RYR1: variants seen among roughly 807,000 people sequenced by gnomAD.
RYR1 encodes central core disease of muscle.
RYR1 carries 342 observed loss-of-function variants against 583.5 expected under a neutral mutation model. The ratio of observed to expected loss-of-function variants is 0.59; its 90% confidence interval spans 0.54 to 0.64. RYR1 has a LOEUF of 0.64. Ranked by LOEUF, RYR1 falls within the 30% of genes least tolerant of loss-of-function variation. RYR1 has a pLI of 0.00. For missense variants in RYR1, 6,032 were observed against 6,917.2 expected (o/e 0.87, Z 4.54); for synonymous variants, 2,791 against 2,822.5 (o/e 0.99, Z 0.35).
chr19:38,572,279 A>G lies in RYR1; in HGVS notation c.13998+9A>G, dbSNP rs1457942367. The G allele has an allele frequency of 1.3e-6, 1 of 794,116 alleles. No individual in the cohort carries two copies. Among genetic ancestry groups the G allele is most frequent in the Non-Finnish European group, 1.9e-6 (1 of 526,716 alleles). 49.2% of individuals were successfully genotyped at this position (794,116 alleles called of 1,614,324 possible). A position where few individuals can be genotyped will look rare whatever the true frequency, so the allele number is the denominator to read the frequency against. The stretch of plus-strand genomic sequence containing the variant: ...GCTATAATTGTCTCAAGGTGGGCCC[A>G]TGGCCATGGTTCTGGGGCAAGGGCT... On this transcript the variant is annotated intron_variant, in intron 95 of 105. Coordinates refer to ENST00000359596, the MANE Select transcript of RYR1 (RefSeq NM_000540.3).
rs45496799 is a variant in RYR1, at chr19:38,516,233, C to T, written c.9685+16C>T. On this transcript the variant is annotated intron_variant, in intron 65 of 105. Coordinates refer to ENST00000359596, the MANE Select transcript of RYR1 (RefSeq NM_000540.3). The stretch of plus-strand genomic sequence containing the variant: ...GAGCGGGCCAGTAAGCTGTGTGGGG[C>T]GGGAGCAGTGCTGGGAGTCCAAATC... 5.0e-3 allele frequency: 7,939 copies of T among 1,582,656 alleles called. 30 individuals are homozygous for T. Among genetic ancestry groups the T allele is most frequent in the Non-Finnish European group, 6.3e-3 (7,296 of 1,164,148 alleles).
At chr19:38,490,780 A>T (rs562533846) in intron 37 of RYR1, 48 bp downstream of exon 37, 1 of 1,210,442 alleles carries the variant, frequency 8.3e-7, no homozygotes, top group Non-Finnish European at 1.2e-6. Context: ...CTTTCTCTCG[A>T]GACCTCTCCA....
At chr19:38,585,845 G>A in intron 102 of RYR1, 93 bp from the exon 103 acceptor site, 1 of 1,444,880 alleles carries the variant, frequency 6.9e-7, no homozygotes, top group Non-Finnish European at 9.7e-7. Context: ...GGAAATGGGG[G>A]ATGGAGGGCA....
chr19:38,562,641 C>G (rs1043563351), intron 90 of RYR1, among the ~76,000 whole-genome samples: 2 of 152,138 alleles, frequency 1.3e-5, no homozygotes, highest in Non-Finnish European at 2.9e-5. Flanking sequence ...AGTACACAAA[C>G]CCTTGGCTCC....
At position 38,440,830 on chromosome 19, in the gene RYR1, G is replaced by A. The variant is rs139161723; in HGVS notation, c.131G>A (p.Arg44His). The A allele has an allele frequency of 1.5e-5, 24 of 1,611,106 alleles. No homozygotes were observed. The highest frequency in any genetic ancestry group is 7.7e-5 in the South Asian group (7 of 90,636). The change falls in exon 2 of 106, where the codon CGC (arginine) becomes CAC (histidine). Residue 44 changes from arginine to histidine, a missense_variant. Arg to His is a conservative substitution (Grantham distance 29). Transcript: ENST00000359596. ...CTGGCCGCCGAGGGCTTCGGCAACCGCCTGTGCTTCCTGGAGCCCACTAGC... is the reference window on the plus strand; with the variant it reads ...CTGGCCGCCGAGGGCTTCGGCAACCACCTGTGCTTCCTGGAGCCCACTAGC... ...LCLAAEGFGNRLCFLEPTSNA... is the reference protein window; with the variant it reads ...LCLAAEGFGNHLCFLEPTSNA...
Position 38,586,176 on chromosome 19 carries a change from A to G in RYR1, c.14954A>G (p.Asn4985Ser), listed in dbSNP as rs750477516. ...GFETHTLEEH[N>S]LANYMFFLMY... ...GAGACTCACACGCTGGAGGAGCACA[A>G]CCTGGCCAATTACATGTGAGCAGAC... Residue 4985 changes from asparagine to serine, a missense_variant, in exon 104 of 106, where the codon AAC (asparagine) becomes AGC (serine). Asn to Ser is a conservative substitution (Grantham distance 46). Coordinates refer to ENST00000359596, the MANE Select transcript of RYR1 (RefSeq NM_000540.3). 3.1e-6 allele frequency: 5 copies of G among 1,613,770 alleles called. No individual in the cohort carries two copies. Among genetic ancestry groups the G allele is most frequent in the Non-Finnish European group, 4.2e-6 (5 of 1,180,008 alleles).
In RYR1 at chr19:38,440,879, G is replaced by T; in HGVS notation, c.165+15G>T. 6.2e-7 allele frequency: 1 copy of T among 1,608,958 alleles called. No individual in the cohort carries two copies. The highest frequency in any genetic ancestry group is 8.5e-7 in the Non-Finnish European group (1 of 1,177,152). On this transcript the variant is annotated intron_variant, in intron 2 of 105. Coordinates refer to ENST00000359596, the MANE Select transcript of RYR1 (RefSeq NM_000540.3). ...GCAACGCGCAGGTCTGTGCAGGAGG[G>T]AGAGGGGCCTGGGGACAGGGGCGTC... is the stretch of plus-strand genomic sequence containing the variant.
intron 16 of RYR1, among the ~76,000 whole-genome samples, chr19:38,457,058 A>AAAAG (rs1396389528): frequency 1.8e-4 from 27 of 150,418 alleles, no homozygotes; most frequent in Non-Finnish European, 3.1e-4. Context: ...AAAAAAAAAA[A>AAAAG]AAAAAAAAAA....
At chr19:38,566,448 C>CAAAAAA (rs71165563) in intron 91 of RYR1, among the ~76,000 whole-genome samples, 6 of 51,064 alleles carry the variant, frequency 1.2e-4, no homozygotes, top group African/African-American at 2.3e-4. Context: ...GACTCTGTCT[C>CAAAAAA]AAAAAAAAAA....
intron 95 of RYR1, among the ~76,000 whole-genome samples, chr19:38,572,956 C>T (rs528506175): frequency 2.6e-5 from 4 of 151,920 alleles, no homozygotes; most frequent in African/African-American, 9.7e-5. Context: ...CCTGACCCCC[C>T]TGCCTGTGCC....
At position 38,543,348 on chromosome 19, in the gene RYR1, T is replaced by C. The variant is rs201588544; in HGVS notation, c.11691T>C (p.Asp3897=). 1.7e-4 allele frequency: 270 copies of C among 1,614,160 alleles called. No homozygotes were observed. Among genetic ancestry groups the C allele is most frequent in the Non-Finnish European group, 2.2e-4 (264 of 1,179,994 alleles). The part of the protein sequence containing the change: ...LQLLCEGHNN[D]FQNYLRTQTG... ...ATAAATGACTTTTCATCTCCCCAGA[T>C]TTCCAGAACTACCTACGGACACAGA... Residue 3897 remains aspartate (D), a splice_region_variant and synonymous_variant, in exon 85 of 106, where the codon GAT becomes GAC. Transcript: ENST00000359596. The surrounding 1 kb of genome is among the most constrained non-coding windows in gnomAD (Gnocchi z 4.4).
At chr19:38,531,216 G>A (rs562223773) in intron 76 of RYR1, among the ~76,000 whole-genome samples, 4 of 152,108 alleles carry the variant, frequency 2.6e-5, no homozygotes, top group East Asian at 3.9e-4. Context: ...ATCTCGGGCT[G>A]CAAGGTGATG....
rs773236495 is a variant in RYR1, at chr19:38,512,320, C to T, written c.9309C>T (p.Ile3103=). 13 of 1,614,194 alleles carry T rather than the reference C, an allele frequency of 8.1e-6. No homozygotes were observed. Among genetic ancestry groups the T allele is most frequent in the East Asian group, 2.2e-5 (1 of 44,888 alleles). ...RSFFESASED[I]EKMVENLRLG... is the part of the protein sequence containing the mutation. Reference sequence around the variant, plus strand: ...TCTTCGAGAGTGCCTCGGAGGACATCGAGAAGATGGTGGAGAACCTGCGGC... The same window carrying T: ...TCTTCGAGAGTGCCTCGGAGGACATTGAGAAGATGGTGGAGAACCTGCGGC... The change falls in exon 63 of 106, where the codon ATC becomes ATT. Residue 3103 remains isoleucine (I), a synonymous_variant. Coordinates refer to ENST00000359596, the MANE Select transcript of RYR1 (RefSeq NM_000540.3). The surrounding 1 kb of genome is among the most constrained non-coding windows in gnomAD (Gnocchi z 5.1).
intron 97 of RYR1, among the ~76,000 whole-genome samples, chr19:38,577,267 C>T (rs1431484849): frequency 2.0e-5 from 3 of 152,154 alleles, no homozygotes; most frequent in Non-Finnish European, 2.9e-5. Flanking sequence ...GCCAACCCTA[C>T]AGGGTTGTTG....
In RYR1 at chr19:38,483,359, C is replaced by T. The variant is rs1229854214; in HGVS notation, c.4777C>T (p.Arg1593Trp). ...GAACCCGGCCCCGCAGTGCCCACCG[C>T]GGCTGGAGATGCAGATGCTGATGCC... ...RKNPAPQCPPRLEMQMLMPVS... is the reference protein window; with the variant it reads ...RKNPAPQCPPWLEMQMLMPVS... Residue 1593 changes from arginine (R) to tryptophan (W), a missense_variant, in exon 33 of 106, where the codon CGG (arginine) becomes TGG (tryptophan). Arg to Trp is a moderately radical substitution (Grantham distance 101, BLOSUM62 -3). This residue lies in a region of RYR1 where 2,627 missense variants were observed against 2,961.3 expected (regional missense o/e 0.89). Transcript: ENST00000359596. This position sits in a 1 kb window ranked among gnomAD's most constrained non-coding sequence, Gnocchi z 6.3. The T allele has an allele frequency of 8.3e-6, 13 of 1,562,042 alleles. No individual in the cohort carries two copies. The highest frequency in any genetic ancestry group is 2.4e-5 in the East Asian group (1 of 42,284).
At position 38,483,065 on chromosome 19, in the gene RYR1, C is replaced by T. The variant is rs763172830; in HGVS notation, c.4659C>T (p.Val1553=). The change falls in exon 32 of 106, where the codon GTC becomes GTT. Residue 1553 remains valine (V), a synonymous_variant. Transcript: ENST00000359596. This position sits in a 1 kb window ranked among gnomAD's most constrained non-coding sequence, Gnocchi z 6.3. Reference sequence around the variant, plus strand: ...CTAAGCTATTTCCTGCCGTCTTCGTCCTGCCCACCCACCAGAACGTCATCC... The same window carrying T: ...CTAAGCTATTTCCTGCCGTCTTCGTTCTGCCCACCCACCAGAACGTCATCC... The part of the protein sequence containing the change: ...PNTKLFPAVF[V]LPTHQNVIQF... The T allele has an allele frequency of 1.3e-5, 21 of 1,614,172 alleles. No homozygotes were observed. Among genetic ancestry groups the T allele is most frequent in the Non-Finnish European group, 1.7e-5 (20 of 1,180,036 alleles).
At chr19:38,521,683 C>T (rs1470358553) in intron 67 of RYR1, among the ~76,000 whole-genome samples, 1 of 148,028 alleles carries the variant, frequency 6.8e-6, no homozygotes, top group African/African-American at 2.5e-5. Context: ...GGCGACAGAG[C>T]GAGACCCTGT....
chr19:38,525,621 C>T, intron 71 of RYR1, 119 bp downstream of exon 71: 1 of 1,067,078 alleles, frequency 9.4e-7, no homozygotes, highest in Middle Eastern at 2.9e-4. Context: ...TGGGAGCCTT[C>T]CCTTCAGACC....
At chr19:38,454,302 AG>A (rs1967249956) in intron 13 of RYR1, among the ~76,000 whole-genome samples, 1 of 152,226 alleles carries the variant, frequency 6.6e-6, no homozygotes, top group Admixed American at 6.5e-5. Flanking sequence ...CACCTCCCAA[AG>A]AGCTGGGATT....
Sources: allele counts gnomAD v4.1 joint callset (sites outside exome capture counted in the v4.1 genomes callset), GRCh38; gene constraint gnomAD v4.1.1; regional missense constraint gnomAD v4.1.1; non-coding constraint Gnocchi (gnomAD v3.1); transcripts MANE v1.5; gene names NCBI Gene and HGNC (gene_info 2026-07-23, HGNC 2026-07-21).